Variants in LARGE1 observed in about 807,000 individuals in gnomAD.
LARGE1 encodes xylosyl- and glucuronyltransferase LARGE1.
In LARGE1, 43 loss-of-function variants were observed where a neutral mutation model predicts 87.6. The observed-to-expected ratio is 0.49, with a 90% CI of 0.38 to 0.63. The LOEUF is 0.63. Ranked by LOEUF, LARGE1 falls within the 30% of genes least tolerant of loss-of-function variation. LARGE1 has a pLI of 0.00. For synonymous variants in LARGE1, 434 were observed against 394.6 expected, an observed-to-expected ratio of 1.10 and a Z score of -1.18; for missense variants, 802 against 1,000.2, an observed-to-expected ratio of 0.80 and a Z score of 2.67.
At chr22:33,520,661 C>T (rs957391387) in intron 6 of LARGE1, among the ~76,000 whole-genome samples, 10 of 152,232 alleles carry the variant, frequency 6.6e-5, no homozygotes, top group Non-Finnish European at 1.2e-4. Flanking sequence ...GCCTGACTCC[C>T]GGAAGTGTTC....
chr22:33,119,647 G>C, the LARGE1 span, among the ~76,000 whole-genome samples: 7 of 152,100 alleles, frequency 4.6e-5, no homozygotes, highest in Non-Finnish European at 1.0e-4. Context: ...AATGTGAAGA[G>C]TCATGGAAAT....
intron 1 of LARGE1, among the ~76,000 whole-genome samples, chr22:33,825,914 G>C (rs1234942168): frequency 6.6e-6 from 1 of 151,988 alleles, no homozygotes. Flanking sequence ...GGACAAGGCT[G>C]GGAGACAGAA....
At chr22:33,606,039 C>T (rs1011835129) in intron 4 of LARGE1, among the ~76,000 whole-genome samples, 11 of 151,828 alleles carry the variant, frequency 7.2e-5, no homozygotes, top group Admixed American at 3.3e-4. Flanking sequence ...GAGTGGGGGC[C>T]GGGGGCGGAG....
At chr22:33,616,854 A>G (rs905232812) in intron 4 of LARGE1, among the ~76,000 whole-genome samples, 5 of 152,232 alleles carry the variant, frequency 3.3e-5, no homozygotes, top group African/African-American at 1.2e-4. Context: ...ATTTCTTTTT[A>G]AGGTTATAAA....
rs34754283 is a variant in LARGE1, at chr22:33,712,637, AGTGTGTGTGTGT to A, written c.106+48722_106+48733del. Reference sequence around the variant, plus strand: ...ACAGAAATTGAGGGGTGAGGGGTACAGTGTGTGTGTGTGTGTGTGTGTGTGTGTGTGTGTGTG... The same window carrying A: ...ACAGAAATTGAGGGGTGAGGGGTACAGTGTGTGTGTGTGTGTGTGTGTGTG... On this transcript the variant is annotated intron_variant, in intron 2 of 14. Coordinates refer to ENST00000397394, the MANE Select transcript of LARGE1 (RefSeq NM_133642.5). Among the ~76,000 whole-genome samples, 415 of 134,708 alleles carry A rather than the reference AGTGTGTGTGTGT, an allele frequency of 3.1e-3. 3 individuals carry two copies. Among genetic ancestry groups the A allele is most frequent in the African/African-American group, 8.7e-3 (307 of 35,468 alleles). The allele number at this position is 134,708 out of a possible 152,430, so 88.4% of individuals were successfully genotyped here.
At chr22:33,563,515 C>T (rs574508293) in intron 6 of LARGE1, among the ~76,000 whole-genome samples, 178 of 152,296 alleles carry the variant, frequency 1.2e-3, no homozygotes, top group Middle Eastern at 3.4e-3. Context: ...AACTGCCCCT[C>T]GTGAGTTCAC....
chr22:33,555,895 A>G (rs955444176), intron 6 of LARGE1, among the ~76,000 whole-genome samples: 1 of 148,344 alleles, frequency 6.7e-6, no homozygotes, highest in South Asian at 2.1e-4. Flanking sequence ...ACGCCACTGC[A>G]CTCTAGAGTG....
intron 5 of LARGE1, among the ~76,000 whole-genome samples, chr22:33,597,748 G>T (rs904346080): frequency 6.6e-6 from 1 of 152,168 alleles, no homozygotes; most frequent in African/African-American, 2.4e-5. Context: ...TTCCCTTCCT[G>T]AGCTCGGGAT....
chr22:33,811,378 G>C (rs1376778952), intron 1 of LARGE1, among the ~76,000 whole-genome samples: 1 of 152,152 alleles, frequency 6.6e-6, no homozygotes, highest in Non-Finnish European at 1.5e-5. Flanking sequence ...TGGGACGCTC[G>C]TGGCTGAAGA....
intron 3 of LARGE1, 25 bp from the exon 4 acceptor site, chr22:33,626,351 A>G (rs1157815484): frequency 6.3e-7 from 1 of 1,599,440 alleles, no homozygotes; most frequent in Admixed American, 1.7e-5. Flanking sequence ...AGACGGGGTG[A>G]GCAGTCAGAC....
intron 11 of LARGE1, among the ~76,000 whole-genome samples, chr22:33,192,974 T>G (rs1024143172): frequency 6.6e-6 from 1 of 151,444 alleles, no homozygotes; most frequent in Non-Finnish European, 1.5e-5. Context: ...ATCAATTAAC[T>G]AATAAATTAA....
At chr22:33,084,874 C>A in the LARGE1 span, among the ~76,000 whole-genome samples, 4 of 152,064 alleles carry the variant, frequency 2.6e-5, no homozygotes, top group African/African-American at 9.7e-5. Context: ...TAACAACATC[C>A]TCAAAATCTA....
chr22:33,431,803 G>A (rs2103524), intron 7 of LARGE1, among the ~76,000 whole-genome samples: 108 of 152,300 alleles, frequency 7.1e-4, no homozygotes, highest in Middle Eastern at 6.8e-3. Flanking sequence ...GTACATATCC[G>A]TTGTGTTAAG....
rs144555158 is a variant in LARGE1 at position 33,790,549 on chromosome 22, G to A, written c.-82-28991C>T. Among the ~76,000 whole-genome samples, 1,111 of 152,164 alleles carry A rather than the reference G, an allele frequency of 7.3e-3. 10 individuals are homozygous for A. The highest frequency in any genetic ancestry group is 0.014 in the Non-Finnish European group (931 of 67,986). ...CCACTTCAAAAGCCAATATATATTT[G>A]TTAAGTGAATAAAAGAAAACTAAGA... On this transcript the variant is annotated intron_variant, in intron 1 of 14. Coordinates refer to ENST00000397394, the MANE Select transcript of LARGE1 (RefSeq NM_133642.5).
Position 33,273,912 on chromosome 22 carries a change from G to C in LARGE1, c.*515C>G, listed in dbSNP as rs1343614961. On this transcript the variant is annotated 3_prime_UTR_variant, in exon 15 of 15. Coordinates refer to ENST00000397394, the MANE Select transcript of LARGE1 (RefSeq NM_133642.5). Reference sequence around the variant, plus strand: ...ATGTCCCCATTGGGTTTTTCCAAGTGGTTGGTTTAGATCATCGGTTTGCCC... The same window carrying C: ...ATGTCCCCATTGGGTTTTTCCAAGTCGTTGGTTTAGATCATCGGTTTGCCC... The C allele has an allele frequency of 5.6e-6, 2 of 359,542 alleles. No individual in the cohort carries two copies. Among genetic ancestry groups the C allele is most frequent in the Admixed American group, 4.2e-5 (1 of 23,964 alleles). 22.3% of individuals were successfully genotyped at this position (359,542 alleles called of 1,614,324 possible).
chr22:33,761,895 G>A (rs752819712), intron 1 of LARGE1, among the ~76,000 whole-genome samples: 20 of 152,106 alleles, frequency 1.3e-4, no homozygotes, highest in Admixed American at 2.6e-4. Flanking sequence ...TATGTACCAC[G>A]TATGAACCAC....
At chr22:33,643,089 T>TATAC (rs1219092389) in intron 3 of LARGE1, among the ~76,000 whole-genome samples, 1 of 152,124 alleles carries the variant, frequency 6.6e-6, no homozygotes, top group African/African-American at 2.4e-5. Context: ...ATCAACAGAA[T>TATAC]ATACATTCTG....
At chr22:33,255,747 T>TTCTA (rs1421134033) in intron 11 of LARGE1, among the ~76,000 whole-genome samples, 2 of 152,294 alleles carry the variant, frequency 1.3e-5, no homozygotes, top group African/African-American at 4.8e-5. Context: ...AAAACATAGG[T>TTCTA]TCTATCTGTG....
chr22:33,350,368 C>T (rs764092999), intron 9 of LARGE1, among the ~76,000 whole-genome samples: 4 of 152,146 alleles, frequency 2.6e-5, no homozygotes, highest in Non-Finnish European at 5.9e-5. Flanking sequence ...CCACACAAGA[C>T]CAGGAGTGAT....
Sources: allele counts gnomAD v4.1 joint callset (sites outside exome capture counted in the v4.1 genomes callset), GRCh38; gene constraint gnomAD v4.1.1; transcripts MANE v1.5; gene names NCBI Gene and HGNC (gene_info 2026-07-23, HGNC 2026-07-21).